The following CACNA2D3 variants were observed in gnomAD, a reference collection of about 807,000 sequenced individuals.
The protein encoded by CACNA2D3 is calcium voltage-gated channel auxiliary subunit alpha2delta 3.
Under a neutral mutation model 160.6 loss-of-function variants are expected in CACNA2D3, and 60 were observed. That is an observed-to-expected ratio of 0.37 (90% CI 0.30 to 0.46). CACNA2D3 has a LOEUF of 0.46. Among genes scored for constraint, CACNA2D3 ranks in the 20% least tolerant of loss-of-function variants. The pLI is 1.00. For synonymous variants in CACNA2D3, 558 were observed against 492.9 expected (o/e 1.13, Z -1.75); for missense variants, 1,205 against 1,365.0 (o/e 0.88, Z 1.85).
At chr3:54,620,366 A>G (rs1406975787) in intron 9 of CACNA2D3, among the ~76,000 whole-genome samples, 1 of 152,184 alleles carries the variant, frequency 6.6e-6, no homozygotes, top group Non-Finnish European at 1.5e-5. Context: ...GTGACCTATT[A>G]AAGTGAAGTC....
intron 17 of CACNA2D3, among the ~76,000 whole-genome samples, chr3:54,847,094 A>G (rs917884536): frequency 5.9e-5 from 9 of 152,310 alleles, no homozygotes; most frequent in African/African-American, 2.2e-4. Context: ...TGAAGTGAGT[A>G]GGGTTAGGCC....
chr3:54,978,840 T>C (rs946468412), intron 29 of CACNA2D3, among the ~76,000 whole-genome samples: 16 of 152,204 alleles, frequency 1.1e-4, no homozygotes, highest in African/African-American at 3.6e-4. Flanking sequence ...GAAAAAAACC[T>C]TAAAATCAAC....
chr3:54,486,681 C>A (rs1204512342), intron 4 of CACNA2D3, among the ~76,000 whole-genome samples: 1 of 152,154 alleles, frequency 6.6e-6, no homozygotes, highest in Non-Finnish European at 1.5e-5. Context: ...AGCAGCAGCA[C>A]CACATCTTGT....
At chr3:54,731,888 A>C (rs1408061914) in intron 11 of CACNA2D3, among the ~76,000 whole-genome samples, 3 of 152,110 alleles carry the variant, frequency 2.0e-5, no homozygotes, top group Admixed American at 1.3e-4. Context: ...GTGGATCAAA[A>C]GCATCACCGT....
intron 4 of CACNA2D3, among the ~76,000 whole-genome samples, chr3:54,484,365 G>T (rs1700981334): frequency 6.6e-6 from 1 of 152,168 alleles, no homozygotes; most frequent in Non-Finnish European, 1.5e-5. Context: ...CACACCAGTG[G>T]TAAGTTTACT....
chr3:54,192,891 A>G (rs934425803), intron 2 of CACNA2D3, among the ~76,000 whole-genome samples: 9 of 152,204 alleles, frequency 5.9e-5, no homozygotes, highest in Admixed American at 2.0e-4. Context: ...CAGATCATGT[A>G]GGAGACCCAT....
At chr3:55,062,301 A>G (rs1575458501) in intron 35 of CACNA2D3, among the ~76,000 whole-genome samples, 1 of 142,640 alleles carries the variant, frequency 7.0e-6, no homozygotes, top group African/African-American at 2.8e-5. Context: ...TTTTTGACAT[A>G]CAGCCTCACT....
intron 2 of CACNA2D3, among the ~76,000 whole-genome samples, chr3:54,206,589 T>A (rs889369700): frequency 2.0e-5 from 3 of 152,152 alleles, no homozygotes; most frequent in Non-Finnish European, 4.4e-5. Context: ...AGGGTGAGGC[T>A]AATGCTAAGC....
chr3:54,939,583 G>A (rs151094462), intron 27 of CACNA2D3, among the ~76,000 whole-genome samples: 2,419 of 152,282 alleles, frequency 0.016, 64 homozygotes, highest in African/African-American at 0.054. Context: ...TGCTGGGGCC[G>A]GAGGTGGGGA....
rs373103618 is a variant in CACNA2D3 at position 54,860,573 on chromosome 3, T to C, written c.1627-10966T>C. Among the ~76,000 whole-genome samples, 14 of 152,342 alleles carry C rather than the reference T, an allele frequency of 9.2e-5. No homozygotes were observed. The East Asian group carries it at 2.7e-3, about 29-fold the overall frequency. ...CGTATATATTTAAAGGGAAGATTCATTTGAGCGTTAATGATTTGAAACTCA... is the reference window on the plus strand; with the variant it reads ...CGTATATATTTAAAGGGAAGATTCACTTGAGCGTTAATGATTTGAAACTCA... On this transcript the variant is annotated intron_variant, in intron 17 of 37. Transcript: ENST00000474759.
At chr3:54,755,286 G>A (rs11130432) in intron 12 of CACNA2D3, among the ~76,000 whole-genome samples, 127,965 of 151,978 alleles carry the variant, frequency 0.84, 54,816 homozygotes, top group Non-Finnish European at 0.93. Flanking sequence ...AAGCCCATGG[G>A]GAAATAAATG....
intron 11 of CACNA2D3, among the ~76,000 whole-genome samples, chr3:54,692,594 G>C (rs558458943): frequency 6.6e-6 from 1 of 152,258 alleles, no homozygotes; most frequent in African/African-American, 2.4e-5. Flanking sequence ...AGCTAGAACT[G>C]AGCTTCCATT....
chr3:54,728,506 T>A (rs1701320036), intron 11 of CACNA2D3, among the ~76,000 whole-genome samples: 1 of 152,224 alleles, frequency 6.6e-6, no homozygotes, highest in African/African-American at 2.4e-5. Flanking sequence ...GTCTGTAATA[T>A]CTGGATTACC....
At chr3:54,328,449 T>C (rs919594590) in intron 3 of CACNA2D3, among the ~76,000 whole-genome samples, 11 of 151,864 alleles carry the variant, frequency 7.2e-5, no homozygotes, top group Non-Finnish European at 1.3e-4. Context: ...GCCTGGCTAA[T>C]TTTTGTATTT....
chr3:54,949,117 T>C (rs1701690766), intron 27 of CACNA2D3, among the ~76,000 whole-genome samples: 1 of 152,144 alleles, frequency 6.6e-6, no homozygotes, highest in Non-Finnish European at 1.5e-5. Flanking sequence ...GCAAACTCAG[T>C]GGAAAGAAAC....
intron 2 of CACNA2D3, among the ~76,000 whole-genome samples, chr3:54,276,769 G>A (rs1183603825): frequency 1.3e-5 from 2 of 152,120 alleles, no homozygotes; most frequent in East Asian, 1.9e-4. Context: ...TTTCTTCCAG[G>A]TTAAGGTAAA....
At chr3:54,688,873 T>A (rs1363826455) in intron 11 of CACNA2D3, among the ~76,000 whole-genome samples, 1 of 147,728 alleles carries the variant, frequency 6.8e-6, no homozygotes, top group African/African-American at 2.5e-5. Context: ...TCCCAGCTAC[T>A]CAGGAGGCTG....
intron 2 of CACNA2D3, among the ~76,000 whole-genome samples, chr3:54,220,242 G>T (rs1451513891): frequency 6.6e-6 from 1 of 151,996 alleles, no homozygotes; most frequent in East Asian, 1.9e-4. Context: ...TTCTCGCATG[G>T]ATTGCAAGCG....
chr3:54,474,474 C>A (rs1012743318), intron 4 of CACNA2D3, among the ~76,000 whole-genome samples: 2 of 152,062 alleles, frequency 1.3e-5, no homozygotes, highest in Admixed American at 6.6e-5. Flanking sequence ...GTGCAGCAAA[C>A]CACTATGGCA....
Sources: gnomAD v4.1 joint callset for allele counts (sites outside exome capture counted in the v4.1 genomes callset) on GRCh38, gnomAD v4.1.1 for gene constraint, MANE v1.5 for transcripts, NCBI Gene and HGNC (gene_info 2026-07-23, HGNC 2026-07-21) for gene names.